Variants in WIF1 observed in about 807,000 individuals in gnomAD.
WIF1 encodes the protein Wnt inhibitory factor 1.
A neutral mutation model predicts 53.5 loss-of-function variants in WIF1; 35 were observed. The ratio of observed to expected loss-of-function variants is 0.65; its 90% CI spans 0.50 to 0.87. The LOEUF (loss-of-function observed/expected upper bound fraction) is 0.87, where lower values mean the gene tolerates loss of function less well. WIF1 is among the 40% of genes least tolerant of loss of function. The pLI is 0.00. For missense variants in WIF1, 467 were observed against 476.8 expected (o/e 0.98, Z 0.19); for synonymous variants, 171 against 170.4 (o/e 1.00, Z -0.03).
chr12:65,083,720 CCCCCACTTGAT>C, intron 2 of WIF1: 1 of 332,284 alleles, frequency 3.0e-6, no homozygotes, highest in Non-Finnish European at 5.7e-6. Context: ...AAATCAGCTT[CCCCCACTTGAT>C]TTCTCTTTTC....
intron 9 of WIF1, among the ~76,000 whole-genome samples, chr12:65,053,668 G>C (rs994643591): frequency 6.6e-6 from 1 of 152,078 alleles, no homozygotes; most frequent in African/African-American, 2.4e-5. Flanking sequence ...CTTTATAGCA[G>C]TGTGAGAACA....
chr12:65,059,656 C>CT lies in WIF1; in HGVS notation c.826+2824dup, dbSNP rs1277357379. Among the ~76,000 whole-genome samples the CT allele has an allele frequency of 1.5e-3, 222 of 145,810 alleles. 1 individual carries two copies. The highest frequency in any genetic ancestry group is 1.7e-3 in the Non-Finnish European group (110 of 65,812). ...TTTGAGATGGTATCATTGTTTTTTA[C>CT]TTTTTTTTTTTTGAGATGGAGTTTT... On this transcript the variant is annotated intron_variant, in intron 7 of 9. Coordinates refer to ENST00000286574, the MANE Select transcript of WIF1 (RefSeq NM_007191.5).
chr12:65,079,012 A>G (rs1002047971), intron 2 of WIF1, among the ~76,000 whole-genome samples: 10 of 152,060 alleles, frequency 6.6e-5, no homozygotes, highest in Non-Finnish European at 1.3e-4. Flanking sequence ...TAAAAATACA[A>G]AACTTAGCTG....
At chr12:65,052,214 G>A (rs1158585684) in intron 9 of WIF1, among the ~76,000 whole-genome samples, 1 of 152,164 alleles carries the variant, frequency 6.6e-6, no homozygotes, top group African/African-American at 2.4e-5. Context: ...GCATCTTCTT[G>A]TGCATCTGAG....
chr12:65,111,274 C>T (rs1169395894), intron 2 of WIF1, among the ~76,000 whole-genome samples: 1 of 152,186 alleles, frequency 6.6e-6, no homozygotes, highest in Non-Finnish European at 1.5e-5. Context: ...TACCCTCCAC[C>T]CTGTGATGAG....
intron 4 of WIF1, 131 bp downstream of exon 4, chr12:65,068,633 C>T (rs1366563008): frequency 2.5e-6 from 3 of 1,213,976 alleles, no homozygotes; most frequent in East Asian, 2.5e-5. Context: ...GTTATAGAGC[C>T]ATCATCCAAA....
At chr12:65,059,504 A>G (rs1882579070) in intron 7 of WIF1, among the ~76,000 whole-genome samples, 1 of 152,236 alleles carries the variant, frequency 6.6e-6, no homozygotes, top group Non-Finnish European at 1.5e-5. Flanking sequence ...CTGAAGGTTC[A>G]TTAAAGATTC....
At chr12:65,085,630 C>A (rs189342308) in intron 2 of WIF1, among the ~76,000 whole-genome samples, 1 of 152,102 alleles carries the variant, frequency 6.6e-6, no homozygotes, top group Non-Finnish European at 1.5e-5. Context: ...CTTAAACAGG[C>A]GATAGAAGAA....
chr12:65,097,568 A>G (rs554319069), intron 2 of WIF1, among the ~76,000 whole-genome samples: 27 of 152,250 alleles, frequency 1.8e-4, no homozygotes, highest in Admixed American at 8.5e-4. Flanking sequence ...GACAAACACA[A>G]ATATGAAGAT....
intron 2 of WIF1, chr12:65,083,816 C>A (rs756432089): frequency 1.5e-5 from 5 of 327,114 alleles, no homozygotes; most frequent in Non-Finnish European, 3.0e-5. Context: ...CCTTTCCTTT[C>A]CTCTCCTCTT....
chr12:65,097,463 C>T (rs1883223268), intron 2 of WIF1, among the ~76,000 whole-genome samples: 1 of 152,180 alleles, frequency 6.6e-6, no homozygotes, highest in Non-Finnish European at 1.5e-5. Context: ...ACCCCCAAAG[C>T]AGAAACCTAC....
chr12:65,102,712 G>T (rs1215309016), intron 2 of WIF1, among the ~76,000 whole-genome samples: 1 of 152,122 alleles, frequency 6.6e-6, no homozygotes, highest in Non-Finnish European at 1.5e-5. Flanking sequence ...GGTCCCCAGG[G>T]TGTGAATTTA....
In WIF1 at chr12:65,077,735, A is replaced by G. The variant is rs1882885497; in HGVS notation, c.397+11T>C. 1 of 1,598,076 alleles carries G rather than the reference A, an allele frequency of 6.3e-7. No homozygotes were observed. Among genetic ancestry groups the G allele is most frequent in the African/African-American group, 1.3e-5 (1 of 74,484 alleles). ...TAAGTGTAAACCTTTCTTCAGGCAA[A>G]GACCACCCACCTGATGCCTTGTGAG... is the stretch of plus-strand genomic sequence containing the variant. On this transcript the variant is annotated intron_variant, in intron 3 of 9. Transcript: ENST00000286574.
At position 65,050,863 on chromosome 12, in the gene WIF1, ATATAT is replaced by A. The variant is rs1241480323; in HGVS notation, c.*481_*485del. On this transcript the variant is annotated 3_prime_UTR_variant, in exon 10 of 10. Transcript: ENST00000286574. ...TCTCTGGAATAATGGTAAGGTCAAAATATATTGTATTGAGAGTTTAAAAATTAAGA... is the reference window on the plus strand; with the variant it reads ...TCTCTGGAATAATGGTAAGGTCAAAATGTATTGAGAGTTTAAAAATTAAGA... 9.5e-6 allele frequency: 2 copies of A among 211,612 alleles called. No homozygotes were observed. The highest frequency in any genetic ancestry group is 5.9e-5 in the Admixed American group (1 of 16,960). 13.1% of individuals were successfully genotyped at this position (211,612 alleles called of 1,614,324 possible).
chr12:65,059,282 A>G (rs1882575623), intron 7 of WIF1, among the ~76,000 whole-genome samples: 1 of 152,226 alleles, frequency 6.6e-6, no homozygotes, highest in African/African-American at 2.4e-5. Context: ...AAACAGATAA[A>G]AGGGTTTTTA....
chr12:65,118,718 T>C (rs1034676619), intron 2 of WIF1, among the ~76,000 whole-genome samples: 11 of 152,348 alleles, frequency 7.2e-5, no homozygotes, highest in African/African-American at 2.6e-4. Context: ...TCAGTCCATT[T>C]TGTACTCACC....
intron 2 of WIF1, among the ~76,000 whole-genome samples, chr12:65,110,712 T>G (rs1883417664): frequency 6.6e-6 from 1 of 152,172 alleles, no homozygotes; most frequent in South Asian, 2.1e-4. Flanking sequence ...AGCTGCCTAC[T>G]ATGTGCCAGG....
rs147528205 is a variant in WIF1 at position 65,055,155 on chromosome 12, T to G, written c.981A>C (p.Gln327His). The change falls in exon 9 of 10, where the codon CAA becomes CAC. Residue 327 changes from glutamine (Q) to histidine (H), a missense_variant. Gln to His is a conservative substitution (Grantham distance 24). Coordinates refer to ENST00000286574, the MANE Select transcript of WIF1 (RefSeq NM_007191.5). Reference protein sequence around the residue: ...HGTCHEPNKCQCQEGWHGRHC... With the variant: ...HGTCHEPNKCHCQEGWHGRHC... ...GTCTTCCATGCCAACCTTCTTGACATTGGCATTTGTTGGGTTCATGGCAGG... is the reference window on the plus strand; with the variant it reads ...GTCTTCCATGCCAACCTTCTTGACAGTGGCATTTGTTGGGTTCATGGCAGG... The G allele has an allele frequency of 6.2e-7, 1 of 1,614,198 alleles. No homozygotes were observed. Among genetic ancestry groups the G allele is most frequent in the South Asian group, 1.1e-5 (1 of 91,080 alleles).
intron 2 of WIF1, among the ~76,000 whole-genome samples, chr12:65,088,980 C>G (rs1046512264): frequency 6.6e-6 from 1 of 152,094 alleles, no homozygotes; most frequent in African/African-American, 2.4e-5. Flanking sequence ...CAGGAAACAA[C>G]TACTAGTCTG....
Sources: gnomAD v4.1 joint callset for allele counts (sites outside exome capture counted in the v4.1 genomes callset) on GRCh38, gnomAD v4.1.1 for gene constraint, MANE v1.5 for transcripts, NCBI Gene and HGNC (gene_info 2026-07-23, HGNC 2026-07-21) for gene names.